The following AATF variants were observed in gnomAD, a reference collection of about 807,000 sequenced individuals.
AATF encodes the protein protein AATF.
In AATF, 48 loss-of-function variants were observed where a neutral mutation model predicts 63.7. That is an observed-to-expected ratio of 0.75 (90% CI 0.60 to 0.96). AATF has a LOEUF of 0.96. Among genes scored for constraint, AATF ranks in the 40% least tolerant of loss-of-function variants. The pLI, the probability that AATF is intolerant of heterozygous loss-of-function variation, is 0.00. For synonymous variants in AATF, 258 were observed against 247.7 expected, an observed-to-expected ratio of 1.04 and a Z score of -0.39; for missense variants, 639 against 685.7, an observed-to-expected ratio of 0.93 and a Z score of 0.76.
At chr17:37,021,912 A>T (rs956329256) in intron 10 of AATF, among the ~76,000 whole-genome samples, 8 of 151,982 alleles carry the variant, frequency 5.3e-5, no homozygotes, top group African/African-American at 1.9e-4. Flanking sequence ...TGCTAAAAAG[A>T]TATAAGTGAA....
chr17:37,043,538 T>C (rs2071662139), intron 11 of AATF, among the ~76,000 whole-genome samples: 5 of 152,206 alleles, frequency 3.3e-5, no homozygotes. Context: ...ATTGGGGGCT[T>C]TTTTCTTGCT....
chr17:37,011,616 C>T (rs1468561319), intron 8 of AATF, among the ~76,000 whole-genome samples: 4 of 151,962 alleles, frequency 2.6e-5, no homozygotes, highest in African/African-American at 4.8e-5. Context: ...GGAACTGAGT[C>T]GTGAGGAGTG....
chr17:37,012,302 G>C (rs924472695), intron 8 of AATF, among the ~76,000 whole-genome samples: 5 of 152,154 alleles, frequency 3.3e-5, no homozygotes, highest in African/African-American at 1.2e-4. Context: ...TGATCCGCCT[G>C]CCTTGGCCTC....
rs2071194449 is a variant in AATF at position 36,989,281 on chromosome 17, A to G, written c.1184A>G (p.Gln395Arg). ...GCCTTTGAACGCTCAATCTTGACTCAGATCGACCATATTCTGATGGACAAA... is the reference window on the plus strand; with the variant it reads ...GCCTTTGAACGCTCAATCTTGACTCGGATCGACCATATTCTGATGGACAAA... Reference protein sequence around the residue: ...FGAFERSILTQIDHILMDKER... With the variant: ...FGAFERSILTRIDHILMDKER... The change falls in exon 7 of 12, where the codon CAG (glutamine) becomes CGG (arginine). Residue 395 changes from glutamine to arginine, a missense_variant. Coordinates refer to ENST00000619387, the MANE Select transcript of AATF (RefSeq NM_012138.4). 6.2e-7 allele frequency: 1 copy of G among 1,613,804 alleles called. No individual in the cohort carries two copies. The highest frequency in any genetic ancestry group is 8.5e-7 in the Non-Finnish European group (1 of 1,179,824).
At chr17:37,001,993 A>G (rs2071302044) in intron 8 of AATF, among the ~76,000 whole-genome samples, 1 of 152,058 alleles carries the variant, frequency 6.6e-6, no homozygotes, top group Admixed American at 6.5e-5. Flanking sequence ...GCTTGAGGCC[A>G]GGAGTCAAGA....
intron 8 of AATF, among the ~76,000 whole-genome samples, chr17:37,016,981 GA>G (rs1479869922): frequency 2.1e-4 from 32 of 152,244 alleles, no homozygotes; most frequent in African/African-American, 7.2e-4. Context: ...ACTTGTGTGC[GA>G]AAATGCAGCT....
rs899567934 is a variant in AATF, at chr17:36,965,442, C to T, written c.832+11535C>T. The stretch of plus-strand genomic sequence containing the variant: ...GATCACATTGGACCACCTGGCTTAT[C>T]CAGGATAATCTCAAGATCCTTAATT... On this transcript the variant is annotated intron_variant, in intron 4 of 11. Coordinates refer to ENST00000619387, the MANE Select transcript of AATF (RefSeq NM_012138.4). Among the ~76,000 whole-genome samples, 4 of 152,236 alleles carry T rather than the reference C, an allele frequency of 2.6e-5. 1 individual carries two copies. The highest frequency in any genetic ancestry group is 2.6e-4 in the Admixed American group (4 of 15,282).
At chr17:37,039,728 T>G (rs1426028051) in intron 11 of AATF, among the ~76,000 whole-genome samples, 1 of 152,214 alleles carries the variant, frequency 6.6e-6, no homozygotes, top group African/African-American at 2.4e-5. Context: ...CACTCTCAAG[T>G]TCAAACCTAA....
Position 37,056,689 on chromosome 17 carries a change from G to A in AATF, c.*25G>A. 6.2e-7 allele frequency: 1 copy of A among 1,613,764 alleles called. No homozygotes were observed. Among genetic ancestry groups the A allele is most frequent in the Non-Finnish European group, 8.5e-7 (1 of 1,179,746 alleles). ...ACATCGCCCACCTCCGACACCCAGTGGGCGCCTTGGCTGGTGCGGCTGCTG... is the reference window on the plus strand; with the variant it reads ...ACATCGCCCACCTCCGACACCCAGTAGGCGCCTTGGCTGGTGCGGCTGCTG... On this transcript the variant is annotated 3_prime_UTR_variant, in exon 12 of 12. Coordinates refer to ENST00000619387, the MANE Select transcript of AATF (RefSeq NM_012138.4).
Position 37,019,014 on chromosome 17 carries a change from G to C in AATF, c.1408G>C (p.Glu470Gln). 6.2e-7 allele frequency: 1 copy of C among 1,613,984 alleles called. No individual in the cohort carries two copies. Among genetic ancestry groups the C allele is most frequent in the Non-Finnish European group, 8.5e-7 (1 of 1,179,910 alleles). Residue 470 changes from glutamate (E) to glutamine (Q), a missense_variant, in exon 9 of 12, where the codon GAA (glutamate) becomes CAA (glutamine). Glu to Gln is a conservative substitution (Grantham distance 29, BLOSUM62 2). Coordinates refer to ENST00000619387, the MANE Select transcript of AATF (RefSeq NM_012138.4). ...TTCCTTTTTCCCCTAGCTCCTTCGA[G>C]AACTCATAGAACGGAAGACCAGCTC... ...DDDFYHQLLR[E>Q]LIERKTSSLD...
chr17:36,981,857 A>G (rs1220553092), intron 4 of AATF, among the ~76,000 whole-genome samples: 1 of 151,750 alleles, frequency 6.6e-6, no homozygotes, highest in Admixed American at 6.6e-5. Context: ...ATTGTGGTAC[A>G]CAACATATAA....
chr17:37,051,693 GACAGACAC>G (rs1311366494), intron 11 of AATF, among the ~76,000 whole-genome samples: 17 of 140,942 alleles, frequency 1.2e-4, no homozygotes, highest in African/African-American at 3.6e-4. Context: ...CAGACAGACA[GACAGACAC>G]ACACACACAC....
At chr17:37,051,693 G>GACACACACACAC (rs1181449819) in intron 11 of AATF, among the ~76,000 whole-genome samples, 28 of 141,028 alleles carry the variant, frequency 2.0e-4, no homozygotes, top group East Asian at 6.2e-4. Flanking sequence ...CAGACAGACA[G>GACACACACACAC]ACAGACACAC....
intron 11 of AATF, among the ~76,000 whole-genome samples, chr17:37,032,636 A>G (rs1442117104): frequency 6.6e-6 from 1 of 152,190 alleles, no homozygotes; most frequent in Non-Finnish European, 1.5e-5. Flanking sequence ...ATACACTCAC[A>G]CCTACACAGA....
At chr17:36,982,704 T>A (rs2071136701) in intron 4 of AATF, among the ~76,000 whole-genome samples, 1 of 152,178 alleles carries the variant, frequency 6.6e-6, no homozygotes, top group Non-Finnish European at 1.5e-5. Flanking sequence ...TGGTAAAATA[T>A]ACATGACATA....
chr17:36,969,051 G>T (rs1313768112), intron 4 of AATF, among the ~76,000 whole-genome samples: 1 of 150,922 alleles, frequency 6.6e-6, no homozygotes, highest in African/African-American at 2.5e-5. Flanking sequence ...TTGGATTTTT[G>T]GTGATCCTCT....
chr17:37,027,929 G>T (rs2071522691), intron 10 of AATF, among the ~76,000 whole-genome samples: 1 of 152,142 alleles, frequency 6.6e-6, no homozygotes, highest in African/African-American at 2.4e-5. Context: ...CTTTCAGATG[G>T]ACACTGAAGT....
chr17:37,011,677 A>G (rs189697008), intron 8 of AATF, among the ~76,000 whole-genome samples: 53 of 152,330 alleles, frequency 3.5e-4, no homozygotes, highest in Non-Finnish European at 5.3e-4. Flanking sequence ...GAGTAAAGAC[A>G]GAGAGATGCC....
At chr17:37,010,669 G>C (rs910940562) in intron 8 of AATF, among the ~76,000 whole-genome samples, 2 of 152,174 alleles carry the variant, frequency 1.3e-5, no homozygotes, top group Non-Finnish European at 1.5e-5. Flanking sequence ...ATGTGTGTGA[G>C]TGCAGCTGTG....
Sources: gnomAD v4.1 joint callset for allele counts (sites outside exome capture counted in the v4.1 genomes callset) on GRCh38, gnomAD v4.1.1 for gene constraint, MANE v1.5 for transcripts, NCBI Gene and HGNC (gene_info 2026-07-23, HGNC 2026-07-21) for gene names.